Variants in KCND3 observed in about 807,000 individuals in gnomAD.
The protein encoded by KCND3 is A-type voltage-gated potassium channel KCND3.
In KCND3, 9 loss-of-function variants were observed where a neutral mutation model predicts 51.1. That is an observed-to-expected ratio of 0.18 (90% confidence interval 0.11 to 0.31). KCND3 has a LOEUF of 0.31. Ranked by LOEUF, KCND3 falls within the 10% of genes least tolerant of loss-of-function variation. KCND3 has a pLI of 1.00. For synonymous variants in KCND3, 349 were observed against 368.0 expected, an observed-to-expected ratio of 0.95 and a Z score of 0.59; for missense variants, 526 against 903.8, an observed-to-expected ratio of 0.58 and a Z score of 5.36.
In KCND3 at chr1:111,771,534, C is replaced by T. The variant is rs1663906982; in HGVS notation, c.*4543G>A. On this transcript the variant is annotated 3_prime_UTR_variant, in exon 8 of 8. Coordinates refer to ENST00000302127, the MANE Select transcript of KCND3 (RefSeq NM_001378969.1). ...CTGGAAAACTGGAATTCTTTAGTAA[C>T]CTCGAAATCTAGTGTTAGCTCAATT... 1 of 152,124 alleles carries T rather than the reference C, an allele frequency of 6.6e-6. No individual in the cohort carries two copies. Among genetic ancestry groups the T allele is most frequent in the African/African-American group, 2.4e-5 (1 of 41,424 alleles). 9.4% of individuals were successfully genotyped at this position (152,124 alleles called of 1,614,324 possible).
intron 2 of KCND3, among the ~76,000 whole-genome samples, chr1:111,862,930 C>T (rs918636364): frequency 3.3e-5 from 5 of 152,200 alleles, no homozygotes; most frequent in Admixed American, 1.3e-4. Flanking sequence ...TTGTCCCTAC[C>T]AGATGGGCAA....
At chr1:111,870,038 C>T (rs544431474) in intron 2 of KCND3, among the ~76,000 whole-genome samples, 1 of 152,338 alleles carries the variant, frequency 6.6e-6, no homozygotes, top group Admixed American at 6.5e-5. Context: ...TTAATTGAGA[C>T]ACATACTGGC....
intron 2 of KCND3, among the ~76,000 whole-genome samples, chr1:111,845,955 A>G (rs1433884525): frequency 6.6e-6 from 1 of 152,134 alleles, no homozygotes; most frequent in Non-Finnish European, 1.5e-5. Context: ...GCTTCAGCCT[A>G]GTCTCTCTAG....
chr1:111,885,817 C>T (rs1669545586), intron 2 of KCND3, among the ~76,000 whole-genome samples: 1 of 152,044 alleles, frequency 6.6e-6, no homozygotes, highest in Non-Finnish European at 1.5e-5. Context: ...GGATTACAGG[C>T]GCCTGCCACC....
intron 3 of KCND3, among the ~76,000 whole-genome samples, chr1:111,781,783 C>T (rs1379161213): frequency 6.6e-6 from 1 of 152,208 alleles, no homozygotes; most frequent in African/African-American, 2.4e-5. Flanking sequence ...CTCCTGCTTG[C>T]ACAGGGAGAA....
intron 2 of KCND3, among the ~76,000 whole-genome samples, chr1:111,880,940 G>A (rs535201293): frequency 2.2e-4 from 33 of 152,010 alleles, no homozygotes; most frequent in African/African-American, 5.3e-4. Context: ...TGCTAGCCTC[G>A]GTCTGCCTTG....
chr1:111,805,010 G>A (rs1222042137), intron 2 of KCND3, among the ~76,000 whole-genome samples: 3 of 152,184 alleles, frequency 2.0e-5, no homozygotes, highest in Non-Finnish European at 4.4e-5. Context: ...CAGCACGGGT[G>A]AAGCACAGGG....
intron 2 of KCND3, among the ~76,000 whole-genome samples, chr1:111,867,107 A>T (rs1377193748): frequency 6.6e-6 from 1 of 152,214 alleles, no homozygotes; most frequent in Non-Finnish European, 1.5e-5. Context: ...AGGAGACAGC[A>T]GTAGTCGCTA....
chr1:111,891,980 CTG>C (rs35910937), intron 2 of KCND3, among the ~76,000 whole-genome samples: 31,308 of 146,836 alleles, frequency 0.21, 3,268 homozygotes, highest in East Asian at 0.33. Context: ...GTGTGTGTGT[CTG>C]TGTGTGTGTG....
intron 2 of KCND3, among the ~76,000 whole-genome samples, chr1:111,890,009 ACTAGGAG>A (rs1018984469): frequency 1.3e-5 from 2 of 152,084 alleles, no homozygotes; most frequent in Non-Finnish European, 2.9e-5. Flanking sequence ...GTCGGGAGGG[ACTAGGAG>A]CAAGAGTCGC....
intron 2 of KCND3, among the ~76,000 whole-genome samples, chr1:111,848,181 C>G (rs550921523): frequency 6.6e-6 from 1 of 152,324 alleles, no homozygotes; most frequent in Non-Finnish European, 1.5e-5. Flanking sequence ...CTGGAAGTCC[C>G]TGATACTAAG....
intron 2 of KCND3, among the ~76,000 whole-genome samples, chr1:111,960,003 C>A (rs1171530256): frequency 4.6e-5 from 7 of 151,628 alleles, no homozygotes; most frequent in African/African-American, 1.5e-4. Context: ...CTTTGCTCAG[C>A]ACTCACTCTT....
Position 111,848,546 on chromosome 1 carries a change from A to C in KCND3, c.1107-61440T>G, listed in dbSNP as rs146082601. On this transcript the variant is annotated intron_variant, in intron 2 of 7. Transcript: ENST00000302127. Reference sequence around the variant, plus strand: ...AATAGGCTCACAGATACTCAAGCCAAACCTGAAGGCCTCAGAAACCGTGGA... The same window carrying C: ...AATAGGCTCACAGATACTCAAGCCACACCTGAAGGCCTCAGAAACCGTGGA... Among the ~76,000 whole-genome samples, 680 of 152,334 alleles carry C rather than the reference A, an allele frequency of 4.5e-3. 11 individuals carry two copies. The highest frequency in any genetic ancestry group is 0.016 in the African/African-American group (661 of 41,566).
chr1:111,945,637 T>A (rs1270992878), intron 2 of KCND3, among the ~76,000 whole-genome samples: 1 of 152,192 alleles, frequency 6.6e-6, no homozygotes, highest in African/African-American at 2.4e-5. Context: ...CCTTGCCCCT[T>A]CATCACTTTC....
At chr1:111,923,754 G>A (rs1380954838) in intron 2 of KCND3, among the ~76,000 whole-genome samples, 1 of 152,222 alleles carries the variant, frequency 6.6e-6, no homozygotes, top group Non-Finnish European at 1.5e-5. Flanking sequence ...AAGCTCCTCA[G>A]CAGAGGTGCA....
chr1:111,775,832 C>CCCCCCCCCT lies in KCND3; in HGVS notation c.*244_*245insAGGGGGGGG. On this transcript the variant is annotated 3_prime_UTR_variant, in exon 8 of 8. Transcript: ENST00000302127. ...GGCCTATCCCCGACCCCCCCACCCTCCCTCCCTTCCTCTGGCCCCAGTGAG... is the reference window on the plus strand; with the variant it reads ...GGCCTATCCCCGACCCCCCCACCCTCCCCCCCCCTCCTCCCTTCCTCTGGCCCCAGTGAG... The CCCCCCCCCT allele has an allele frequency of 1.3e-5, 2 of 151,322 alleles. 1 individual carries two copies. Among genetic ancestry groups the CCCCCCCCCT allele is most frequent in the Non-Finnish European group, 2.9e-5 (2 of 70,034 alleles). The allele number at this position is 151,322 out of a possible 1,614,324, so 9.4% of individuals were successfully genotyped here.
At chr1:111,900,002 G>A (rs963700579) in intron 2 of KCND3, among the ~76,000 whole-genome samples, 3 of 152,218 alleles carry the variant, frequency 2.0e-5, no homozygotes, top group Admixed American at 1.3e-4. Flanking sequence ...GCAGTGAGGA[G>A]GCAGGGGTAG....
chr1:111,804,613 C>A (rs1665476733), intron 2 of KCND3, among the ~76,000 whole-genome samples: 1 of 152,168 alleles, frequency 6.6e-6, no homozygotes, highest in Non-Finnish European at 1.5e-5. Flanking sequence ...GTGAAGGTGC[C>A]CTGCTCCACT....
At chr1:111,947,712 G>T (rs543413971) in intron 2 of KCND3, among the ~76,000 whole-genome samples, 9 of 152,342 alleles carry the variant, frequency 5.9e-5, no homozygotes, top group African/African-American at 2.2e-4. Flanking sequence ...GGGCTTCCAA[G>T]AGGGATGCTG....
Sources: gnomAD v4.1 joint callset for allele counts (sites outside exome capture counted in the v4.1 genomes callset) on GRCh38, gnomAD v4.1.1 for gene constraint, MANE v1.5 for transcripts, NCBI Gene and HGNC (gene_info 2026-07-23, HGNC 2026-07-21) for gene names.